MRPS10: variants seen among roughly 807,000 people sequenced by gnomAD.
MRPS10 encodes small ribosomal subunit protein uS10m.
In MRPS10, 23 loss-of-function variants were observed where a neutral mutation model predicts 27.5. That is an observed-to-expected ratio of 0.84 (90% CI 0.60 to 1.18). The LOEUF (loss-of-function observed/expected upper bound fraction) is 1.18. MRPS10 is among the 50% of genes most tolerant of loss of function. MRPS10 has a pLI of 0.00. For missense variants in MRPS10, 237 were observed against 240.1 expected (o/e 0.99, Z 0.09); for synonymous variants, 88 against 84.2 (o/e 1.04, Z -0.25).
rs959472833 is a variant in MRPS10, at chr6:42,208,216, C to T, written c.*73G>A. On this transcript the variant is annotated 3_prime_UTR_variant, in exon 7 of 7. Coordinates refer to ENST00000053468, the MANE Select transcript of MRPS10 (RefSeq NM_018141.4). ...AGACTCAAATCATCTCAGCTGGAAG[C>T]ACTCTCCACTTAAACATACTCATCT... The T allele has an allele frequency of 8.2e-6, 9 of 1,093,582 alleles. No homozygotes were observed. The highest frequency in any genetic ancestry group is 7.2e-5 in the Admixed American group (4 of 55,888). The allele number at this position is 1,093,582 out of a possible 1,614,324, so 67.7% of individuals were successfully genotyped here. A position where few individuals can be genotyped will look rare whatever the true frequency, so the allele number is the denominator to read the frequency against.
intron 4 of MRPS10, among the ~76,000 whole-genome samples, chr6:42,210,835 G>A (rs1199861302): frequency 2.0e-5 from 3 of 152,208 alleles, no homozygotes; most frequent in Admixed American, 1.3e-4. Context: ...GGCATGTCAA[G>A]TGTGCAAGCA....
Position 42,208,905 on chromosome 6 carries a change from A to C in MRPS10, c.475T>G (p.Tyr159Asp), listed in dbSNP as rs201208600. The C allele has an allele frequency of 5.1e-4, 818 of 1,612,430 alleles. 1 individual carries two copies. Among genetic ancestry groups the C allele is most frequent in the South Asian group, 1.1e-3 (103 of 90,926 alleles). The change falls in exon 6 of 7, where the codon TAT (tyrosine) becomes GAT (aspartate). Residue 159 changes from tyrosine to aspartate, a missense_variant. Coordinates refer to ENST00000053468, the MANE Select transcript of MRPS10 (RefSeq NM_018141.4). Reference sequence around the variant, plus strand: ...CCTTCAGGTAAGTTTCGCTGAATATATTCCAAGTAGACATCTGCTGTGCTT... The same window carrying C: ...CCTTCAGGTAAGTTTCGCTGAATATCTTCCAAGTAGACATCTGCTGTGCTT... ...TGSTADVYLE[Y>D]IQRNLPEGVA...
intron 5 of MRPS10, among the ~76,000 whole-genome samples, chr6:42,209,907 G>A (rs1415356228): frequency 3.3e-5 from 5 of 152,080 alleles, no homozygotes; most frequent in Non-Finnish European, 5.9e-5. Flanking sequence ...TATTCTGAGT[G>A]CTTACATAAA....
chr6:42,215,825 G>C (rs1768909568), intron 1 of MRPS10, among the ~76,000 whole-genome samples: 1 of 151,956 alleles, frequency 6.6e-6, no homozygotes, highest in African/African-American at 2.4e-5. Context: ...AAGGGGAAAA[G>C]GAAAAAGGAA....
Position 42,208,006 on chromosome 6 carries a change from C to A in MRPS10, c.*283G>T, listed in dbSNP as rs1243075945. 2 of 396,494 alleles carry A rather than the reference C, an allele frequency of 5.0e-6. No homozygotes were observed. Among genetic ancestry groups the A allele is most frequent in the Admixed American group, 4.9e-5 (1 of 20,570 alleles). The allele number at this position is 396,494 out of a possible 1,614,324, so 24.6% of individuals were successfully genotyped here. ...AATGGTACAAACTAATAATTGAACA[C>A]CAGTAGCGTAACAAAATAGAATTTT... is the stretch of plus-strand genomic sequence containing the variant. On this transcript the variant is annotated 3_prime_UTR_variant, in exon 7 of 7. Transcript: ENST00000053468.
At chr6:42,215,254 TGGCGGTGC>T (rs1768890576) in intron 1 of MRPS10, among the ~76,000 whole-genome samples, 5 of 149,664 alleles carry the variant, frequency 3.3e-5, no homozygotes, top group Non-Finnish European at 5.9e-5. Flanking sequence ...CCAGGCATGG[TGGCGGTGC>T]GGTTGTGATC....
intron 5 of MRPS10, among the ~76,000 whole-genome samples, chr6:42,209,956 G>A (rs1255923331): frequency 1.3e-5 from 2 of 151,964 alleles, no homozygotes; most frequent in Non-Finnish European, 2.9e-5. Context: ...TATGAGATGG[G>A]TACCACTATT....
intron 1 of MRPS10, among the ~76,000 whole-genome samples, chr6:42,217,185 T>C (rs1208405714): frequency 6.6e-6 from 1 of 152,176 alleles, no homozygotes; most frequent in Non-Finnish European, 1.5e-5. Context: ...CAATATATAT[T>C]CTTAAGTTTT....
chr6:42,209,007 T>C (rs1168735406), intron 5 of MRPS10, 60 bp from the exon 6 acceptor site: 9 of 993,016 alleles, frequency 9.1e-6, no homozygotes, highest in African/African-American at 2.5e-5. Context: ...CGGTTTTTTG[T>C]TTTTTTTTTT....
Position 42,208,087 on chromosome 6 carries a change from G to T in MRPS10, c.*202C>A. The stretch of plus-strand genomic sequence containing the variant: ...GCTCATGTTTGCTGAAATCAGAACT[G>T]AAACAATGAATAAAAAGAATAGATA... On this transcript the variant is annotated 3_prime_UTR_variant, in exon 7 of 7. Coordinates refer to ENST00000053468, the MANE Select transcript of MRPS10 (RefSeq NM_018141.4). The T allele has an allele frequency of 1.8e-6, 1 of 566,812 alleles. No individual in the cohort carries two copies. Among genetic ancestry groups the T allele is most frequent in the East Asian group, 3.2e-5 (1 of 31,662 alleles). 35.1% of individuals were successfully genotyped at this position (566,812 alleles called of 1,614,324 possible).
chr6:42,209,187 G>A (rs899586921), intron 5 of MRPS10, among the ~76,000 whole-genome samples: 5 of 137,288 alleles, frequency 3.6e-5, no homozygotes, highest in Non-Finnish European at 8.0e-5. Context: ...TAGTAGAGAC[G>A]GGGTTTCATC....
At chr6:42,211,361 C>T (rs1467661012) in intron 4 of MRPS10, among the ~76,000 whole-genome samples, 1 of 152,188 alleles carries the variant, frequency 6.6e-6, no homozygotes, top group Non-Finnish European at 1.5e-5. Context: ...AAGCTCTACC[C>T]ACCAAGAGTT....
chr6:42,210,700 AT>A, intron 4 of MRPS10, 104 bp from the exon 5 acceptor site: 4 of 1,456,486 alleles, frequency 2.7e-6, no homozygotes, highest in Non-Finnish European at 9.2e-7. Context: ...ATTAACTACC[AT>A]TTACAGACTT....
At chr6:42,212,695 A>G (rs962385265) in intron 3 of MRPS10, among the ~76,000 whole-genome samples, 18 of 152,322 alleles carry the variant, frequency 1.2e-4, no homozygotes, top group Admixed American at 6.5e-4. Flanking sequence ...CTACTAATCC[A>G]ATGATTCAGA....
chr6:42,208,297 T>A lies in MRPS10; in HGVS notation c.598A>T (p.Lys200Ter). 1 of 1,612,194 alleles carries A rather than the reference T, an allele frequency of 6.2e-7. No homozygotes were observed. Among genetic ancestry groups the A allele is most frequent in the East Asian group, 2.2e-5 (1 of 44,858 alleles). Residue 200 changes from lysine (K) to a stop codon, truncating the protein, a stop_gained, in exon 7 of 7, where the codon AAG (lysine) becomes TAG (stop). Coordinates refer to ENST00000053468, the MANE Select transcript of MRPS10 (RefSeq NM_018141.4). LOFTEE classifies it high-confidence loss of function. ...ATGGCCTCCCTGAGGCTTTATGACT[T>A]GCTTTCTTCTTTTTCTTCTGATAGT... ...ETLSEEKEES[K>*]S
chr6:42,214,220 T>C (rs1174401783), intron 2 of MRPS10, 28 bp from the exon 3 acceptor site: 1 of 1,608,928 alleles, frequency 6.2e-7, no homozygotes, highest in Non-Finnish European at 8.5e-7. Context: ...AAGAGAAACC[T>C]AAGTAAAATA....
intron 4 of MRPS10, among the ~76,000 whole-genome samples, chr6:42,211,481 G>A (rs915316155): frequency 7.2e-5 from 11 of 152,072 alleles, no homozygotes; most frequent in Admixed American, 2.6e-4. Flanking sequence ...AGGAGTTCGA[G>A]ACCAGCCTGG....
intron 1 of MRPS10, among the ~76,000 whole-genome samples, chr6:42,217,161 T>A (rs1254223568): frequency 6.6e-6 from 1 of 152,228 alleles, no homozygotes; most frequent in Non-Finnish European, 1.5e-5. Context: ...AATGAGTTAG[T>A]GTTACTTTTA....
intron 5 of MRPS10, among the ~76,000 whole-genome samples, chr6:42,210,000 A>G (rs945141352): frequency 6.6e-6 from 1 of 152,224 alleles, no homozygotes; most frequent in Non-Finnish European, 1.5e-5. Context: ...ATAGAGGTAC[A>G]TGTCACACAG....
Sources: allele counts gnomAD v4.1 joint callset (sites outside exome capture counted in the v4.1 genomes callset), GRCh38; gene constraint gnomAD v4.1.1; transcripts MANE v1.5; gene names NCBI Gene and HGNC (gene_info 2026-07-23, HGNC 2026-07-21).